The following CYP2J2 variants were observed in gnomAD, a reference collection of about 807,000 sequenced individuals.
CYP2J2 encodes the protein cytochrome P450 family 2 subfamily J member 2, also known as cytochrome P450 2J2.
A neutral mutation model predicts 48.8 loss-of-function variants in CYP2J2; 41 were observed. That is an observed-to-expected ratio of 0.84 (90% CI 0.66 to 1.09). The LOEUF (loss-of-function observed/expected upper bound fraction) is 1.09. Ranked by LOEUF, CYP2J2 falls within the 50% of genes least tolerant of loss-of-function variation. The pLI is 0.00. For missense variants in CYP2J2, 644 were observed against 617.3 expected, an observed-to-expected ratio of 1.04 and a Z score of -0.46; for synonymous variants, 221 against 227.1, an observed-to-expected ratio of 0.97 and a Z score of 0.24.
At position 59,926,591 on chromosome 1, in the gene CYP2J2, G is replaced by T. The variant is rs11572192; in HGVS notation, c.156C>A (p.Phe52Leu). 1.7e-4 allele frequency: 267 copies of T among 1,614,212 alleles called. 2 individuals carry two copies. The Middle Eastern group carries it at 2.3e-3, about 14-fold the overall frequency. The change falls in exon 1 of 9, where the codon TTC (phenylalanine) becomes TTA (leucine). Residue 52 changes from phenylalanine to leucine, a missense_variant. Transcript: ENST00000371204. Reference protein sequence around the residue: ...NYPPGPWRLPFLGNFFLVDFE... With the variant: ...NYPPGPWRLPLLGNFFLVDFE... ...AGTCCACAAGGAAGAAGTTGCCAAG[G>T]AAGGGCAGGCGCCAGGGCCCCGGCG...
chr1:59,943,328 G>A, the CYP2J2 span, among the ~76,000 whole-genome samples: 3 of 152,196 alleles, frequency 2.0e-5, no homozygotes, highest in Admixed American at 6.5e-5. Flanking sequence ...CAGCCGAATG[G>A]AGAAAGAGAG....
intron 3 of CYP2J2, 57 bp downstream of exon 3, chr1:59,912,105 T>C: frequency 1.3e-6 from 2 of 1,537,526 alleles, no homozygotes; most frequent in Non-Finnish European, 1.8e-6. Flanking sequence ...TTAGTAAGTA[T>C]CTGTCCAATG....
the CYP2J2 span, among the ~76,000 whole-genome samples, chr1:59,946,120 A>C: frequency 6.6e-6 from 1 of 152,170 alleles, no homozygotes; most frequent in East Asian, 1.9e-4. Flanking sequence ...ATCTTACTCA[A>C]AGTAAAAGCC....
the CYP2J2 span, among the ~76,000 whole-genome samples, chr1:59,965,475 G>A: frequency 6.6e-6 from 1 of 152,196 alleles, no homozygotes; most frequent in Non-Finnish European, 1.5e-5. Context: ...AAGAGATACA[G>A]TGTGTTGTCA....
chr1:59,896,109 C>T (rs1046252052), intron 8 of CYP2J2, among the ~76,000 whole-genome samples: 2 of 152,128 alleles, frequency 1.3e-5, no homozygotes, highest in African/African-American at 4.8e-5. Context: ...GCCCTGGAAT[C>T]AGCCATTTTT....
chr1:59,917,436 C>T (rs557180791), intron 1 of CYP2J2, among the ~76,000 whole-genome samples: 3 of 152,258 alleles, frequency 2.0e-5, no homozygotes, highest in Non-Finnish European at 4.4e-5. Flanking sequence ...TCTTTCAAGA[C>T]AGAAAATGAA....
chr1:59,950,288 G>T, the CYP2J2 span, among the ~76,000 whole-genome samples: 4 of 152,172 alleles, frequency 2.6e-5, no homozygotes, highest in Non-Finnish European at 4.4e-5. Context: ...TACAGGTACA[G>T]AATTCAGAGA....
intron 8 of CYP2J2, 90 bp from the exon 9 acceptor site, chr1:59,893,919 A>G: frequency 7.5e-7 from 1 of 1,334,028 alleles, no homozygotes; most frequent in South Asian, 1.6e-5. Flanking sequence ...CCCCAAAAAA[A>G]TGGAGCAGAG....
At chr1:59,959,661 A>G in the CYP2J2 span, among the ~76,000 whole-genome samples, 4 of 152,092 alleles carry the variant, frequency 2.6e-5, no homozygotes, top group Non-Finnish European at 4.4e-5. Context: ...ATATATGCAC[A>G]TATACATATA....
At chr1:59,968,766 T>C in the CYP2J2 span, among the ~76,000 whole-genome samples, 1 of 152,244 alleles carries the variant, frequency 6.6e-6, no homozygotes, top group Non-Finnish European at 1.5e-5. Context: ...GTGATGAGCA[T>C]GTGCCTCTCC....
At chr1:59,904,191 A>G (rs1644345521) in intron 7 of CYP2J2, among the ~76,000 whole-genome samples, 1 of 152,192 alleles carries the variant, frequency 6.6e-6, no homozygotes, top group African/African-American at 2.4e-5. Context: ...GCCAACCAAC[A>G]TGGTGAAACC....
the CYP2J2 span, among the ~76,000 whole-genome samples, chr1:59,937,567 T>C: frequency 6.6e-6 from 1 of 152,230 alleles, no homozygotes; most frequent in Non-Finnish European, 1.5e-5. Context: ...TTCTATAATT[T>C]TCTTGTTCTA....
intron 1 of CYP2J2, among the ~76,000 whole-genome samples, chr1:59,921,572 C>A (rs11572215): frequency 0.12 from 18,457 of 151,964 alleles, 1,513 homozygotes; most frequent in Non-Finnish European, 0.17. Context: ...GTTATAAACG[C>A]CCTTATCTTG....
the CYP2J2 span, among the ~76,000 whole-genome samples, chr1:59,958,531 C>T: frequency 7.3e-6 from 1 of 137,908 alleles, no homozygotes; most frequent in Admixed American, 7.1e-5. Flanking sequence ...ATTGCCTTTC[C>T]TTCCTAGAAC....
intron 1 of CYP2J2, among the ~76,000 whole-genome samples, chr1:59,924,258 G>A (rs11572202): frequency 5.3e-5 from 8 of 152,136 alleles, no homozygotes; most frequent in Non-Finnish European, 1.2e-4. Flanking sequence ...ATGAAGGAAA[G>A]CTAAGAGAAT....
chr1:59,917,710 A>G (rs1399157349), intron 1 of CYP2J2, among the ~76,000 whole-genome samples: 1 of 152,232 alleles, frequency 6.6e-6, no homozygotes, highest in Non-Finnish European at 1.5e-5. Flanking sequence ...GTTGGAGGAC[A>G]GTGTATGGTC....
chr1:59,905,755 T>C (rs1559073987), intron 6 of CYP2J2, among the ~76,000 whole-genome samples: 3 of 152,218 alleles, frequency 2.0e-5, no homozygotes, highest in Non-Finnish European at 1.5e-5. Context: ...AACTGATGTT[T>C]TGAGATTTGT....
the CYP2J2 span, among the ~76,000 whole-genome samples, chr1:59,935,024 A>ATATATATATATATATACG: frequency 1.5e-4 from 12 of 80,386 alleles, no homozygotes; most frequent in South Asian, 5.4e-3. Context: ...ACATATATAT[A>ATATATATATATATATACG]TATATATATA....
intron 7 of CYP2J2, among the ~76,000 whole-genome samples, chr1:59,903,641 C>CCTA (rs1485677346): frequency 6.6e-6 from 1 of 151,044 alleles, no homozygotes; most frequent in Non-Finnish European, 1.5e-5. Context: ...TTGTAACGAG[C>CCTA]CTACACATGT....
Sources: allele counts gnomAD v4.1 joint callset (sites outside exome capture counted in the v4.1 genomes callset), GRCh38; gene constraint gnomAD v4.1.1; transcripts MANE v1.5; gene names NCBI Gene and HGNC (gene_info 2026-07-23, HGNC 2026-07-21).